The following WDSUB1 variants were observed in gnomAD, a reference collection of about 807,000 sequenced individuals.
WDSUB1 encodes WD repeat, SAM and U-box domain-containing protein 1.
Under a neutral mutation model 53.9 loss-of-function variants are expected in WDSUB1, and 49 were observed. The observed-to-expected ratio is 0.91, with a 90% CI of 0.72 to 1.15. The LOEUF is 1.15. Among genes scored for constraint, WDSUB1 ranks in the 50% most tolerant of loss-of-function variants. The probability of loss-of-function intolerance (pLI) is 0.00; values close to 1 mark genes in which losing one functional copy is unlikely to be tolerated. For synonymous variants in WDSUB1, 194 were observed against 200.6 expected (o/e 0.97, Z 0.28); for missense variants, 514 against 562.0 (o/e 0.91, Z 0.86).
chr2:159,255,167 T>C (rs78460980), intron 9 of WDSUB1, among the ~76,000 whole-genome samples: 10,426 of 151,538 alleles, frequency 0.069, 1,171 homozygotes, highest in African/African-American at 0.23. Context: ...CAAAAAGAGA[T>C]AGAAAAGTGA....
At position 159,282,723 on chromosome 2, in the gene WDSUB1, G is replaced by A. The variant is rs764178762; in HGVS notation, c.347C>T (p.Ala116Val). ...CCACAAAACCACAGTTCCATCAGCT[G>A]CCCCTGATGCCAAACACGTGGAGTC... is the stretch of plus-strand genomic sequence containing the variant. Reference protein sequence around the residue: ...SPDSTCLASGAADGTVVLWNA... With the variant: ...SPDSTCLASGVADGTVVLWNA... Residue 116 changes from alanine to valine, a missense_variant, in exon 2 of 11, where the codon GCA (alanine) becomes GTA (valine). Coordinates refer to ENST00000359774, the MANE Select transcript of WDSUB1 (RefSeq NM_001128212.3). 6 of 1,614,038 alleles carry A rather than the reference G, an allele frequency of 3.7e-6. No homozygotes were observed. The highest frequency in any genetic ancestry group is 5.1e-6 in the Non-Finnish European group (6 of 1,179,948).
chr2:159,240,841 T>G (rs951765933), intron 10 of WDSUB1, among the ~76,000 whole-genome samples: 1 of 152,126 alleles, frequency 6.6e-6, no homozygotes, highest in Admixed American at 6.6e-5. Flanking sequence ...CTATAGTAAC[T>G]GAAATTTTAA....
intron 2 of WDSUB1, 21 bp downstream of exon 2, chr2:159,282,651 G>A: frequency 6.3e-7 from 1 of 1,587,766 alleles, no homozygotes. Context: ...ATTAAAACAG[G>A]AAGGATTTAA....
chr2:159,251,237 G>A (rs1241223338), intron 9 of WDSUB1, among the ~76,000 whole-genome samples: 1 of 151,684 alleles, frequency 6.6e-6, no homozygotes, highest in Non-Finnish European at 1.5e-5. Context: ...CTGCACTCCA[G>A]CCCGGGCAAC....
At chr2:159,279,673 CATAAAAA>C in intron 3 of WDSUB1, 81 bp downstream of exon 3, 1 of 1,217,896 alleles carries the variant, frequency 8.2e-7, no homozygotes, top group East Asian at 2.4e-5. Context: ...CTAATGATAA[CATAAAAA>C]AGAATAAAAG....
At chr2:159,281,794 G>A (rs1476379178) in intron 2 of WDSUB1, among the ~76,000 whole-genome samples, 1 of 152,178 alleles carries the variant, frequency 6.6e-6, no homozygotes, top group Non-Finnish European at 1.5e-5. Flanking sequence ...TGGCCAACAT[G>A]GGGAAACCCA....
chr2:159,280,424 G>A (rs1460370156), intron 2 of WDSUB1, among the ~76,000 whole-genome samples: 1 of 152,008 alleles, frequency 6.6e-6, no homozygotes, highest in Non-Finnish European at 1.5e-5. Context: ...GGGCGCGGTG[G>A]CTCACGCCTG....
In WDSUB1 at chr2:159,279,792, G is replaced by A. The variant is rs1300011661; in HGVS notation, c.552C>T (p.Thr184=). 2 of 1,606,740 alleles carry A rather than the reference G, an allele frequency of 1.2e-6. No individual in the cohort carries two copies. The highest frequency in any genetic ancestry group is 2.2e-5 in the East Asian group (1 of 44,830). ...CTGGCTGTGAAGAAAAATCGCAGCA[G>A]GTAATTCCAAGATCATGTGCTTTTT... ...HSEKAHDLGI[T]CCDFSSQPVS... The change falls in exon 3 of 11, where the codon ACC becomes ACT. Residue 184 remains threonine (T), a synonymous_variant. Transcript: ENST00000359774.
chr2:159,278,877 T>A (rs971956268), intron 3 of WDSUB1, among the ~76,000 whole-genome samples: 6 of 152,192 alleles, frequency 3.9e-5, no homozygotes, highest in African/African-American at 9.7e-5. Flanking sequence ...GGACCTGTTT[T>A]GTCCAATAGG....
intron 2 of WDSUB1, 67 bp from the exon 3 acceptor site, chr2:159,280,012 C>G: frequency 4.9e-6 from 7 of 1,414,878 alleles, no homozygotes; most frequent in Non-Finnish European, 6.7e-6. Flanking sequence ...CAGTCTCTAA[C>G]AGCAGCTTGA....
At chr2:159,279,679 A>G in intron 3 of WDSUB1, 82 bp downstream of exon 3, 1 of 1,276,468 alleles carries the variant, frequency 7.8e-7, no homozygotes, top group Non-Finnish European at 1.1e-6. Flanking sequence ...ATAACATAAA[A>G]AAGAATAAAA....
At chr2:159,251,832 G>A (rs1356658918) in intron 9 of WDSUB1, among the ~76,000 whole-genome samples, 2 of 152,186 alleles carry the variant, frequency 1.3e-5, no homozygotes, top group Non-Finnish European at 2.9e-5. Context: ...AACCTCTGAC[G>A]AAACAGAAGG....
chr2:159,265,450 G>A (rs16843839), intron 5 of WDSUB1, among the ~76,000 whole-genome samples: 1,741 of 152,218 alleles, frequency 0.011, 36 homozygotes, highest in African/African-American at 0.04. Context: ...AGACTGACCC[G>A]GCTAGGTGTG....
At chr2:159,278,571 CA>C (rs1359587275) in intron 3 of WDSUB1, among the ~76,000 whole-genome samples, 5 of 152,140 alleles carry the variant, frequency 3.3e-5, no homozygotes, top group African/African-American at 1.2e-4. Flanking sequence ...AGATTTAATG[CA>C]GGGGTTAAGA....
chr2:159,268,923 ATATAT>A (rs2061395516), intron 5 of WDSUB1, among the ~76,000 whole-genome samples: 1 of 151,756 alleles, frequency 6.6e-6, no homozygotes, highest in Non-Finnish European at 1.5e-5. Flanking sequence ...GACCAGTTTA[ATATAT>A]TAGCTGAAGA....
rs1376400226 is a variant in WDSUB1, at chr2:159,282,804, A to G, written c.266T>C (p.Leu89Pro). 3.1e-6 allele frequency: 5 copies of G among 1,614,226 alleles called. No individual in the cohort carries two copies. The highest frequency in any genetic ancestry group is 4.2e-6 in the Non-Finnish European group (5 of 1,180,044). Residue 89 changes from leucine to proline, a missense_variant, in exon 2 of 11, where the codon CTG (leucine) becomes CCG (proline). Leu to Pro is a moderately conservative substitution (Grantham distance 98). Coordinates refer to ENST00000359774, the MANE Select transcript of WDSUB1 (RefSeq NM_001128212.3). ...GCCACTAGGCTGTTCCATCACTGCCAGCATCTGTCCATTTTCAGTATTCCA... is the reference window on the plus strand; with the variant it reads ...GCCACTAGGCTGTTCCATCACTGCCGGCATCTGTCCATTTTCAGTATTCCA... The part of the protein sequence containing the change: ...VLWNTENGQM[L>P]AVMEQPSGSP...
intron 6 of WDSUB1, among the ~76,000 whole-genome samples, chr2:159,258,603 G>A (rs1322483798): frequency 6.6e-6 from 1 of 152,160 alleles, no homozygotes; most frequent in Non-Finnish European, 1.5e-5. Flanking sequence ...AGGTTGCAGT[G>A]AGCCAAGATC....
intron 5 of WDSUB1, among the ~76,000 whole-genome samples, chr2:159,261,863 TATATATATATATATATATATATATATATA>T (rs2061200677): frequency 4.6e-4 from 4 of 8,712 alleles, no homozygotes; most frequent in Admixed American, 1.5e-3. Context: ...TATATATATA[TATATATATATATATATATATATATATATA>T]TATATTTTTT....
At chr2:159,259,993 T>G in intron 5 of WDSUB1, 150 bp from the exon 6 acceptor site, 1 of 939,626 alleles carries the variant, frequency 1.1e-6, no homozygotes, top group Non-Finnish European at 1.5e-6. Flanking sequence ...TTCATATGCA[T>G]GAAAACTTTA....
Sources: allele counts gnomAD v4.1 joint callset (sites outside exome capture counted in the v4.1 genomes callset), GRCh38; gene constraint gnomAD v4.1.1; transcripts MANE v1.5; gene names NCBI Gene and HGNC (gene_info 2026-07-23, HGNC 2026-07-21).